IKZF3: variants seen among roughly 807,000 people sequenced by gnomAD.
IKZF3 encodes zinc finger protein Aiolos.
A neutral mutation model predicts 49.0 loss-of-function variants in IKZF3; 10 were observed. The ratio of observed to expected loss-of-function variants is 0.20; its 90% confidence interval spans 0.13 to 0.35. The LOEUF (loss-of-function observed/expected upper bound fraction) is 0.35. IKZF3 is among the 10% of genes least tolerant of loss of function. The probability of loss-of-function intolerance (pLI) is 1.00; values close to 1 mark genes in which losing one functional copy is unlikely to be tolerated. For missense variants in IKZF3, 498 were observed against 664.8 expected, an observed-to-expected ratio of 0.75 and a Z score of 2.76; for synonymous variants, 209 against 228.2, an observed-to-expected ratio of 0.92 and a Z score of 0.76.
chr17:39,777,235 T>G (rs999202340), intron 7 of IKZF3, among the ~76,000 whole-genome samples: 4 of 152,242 alleles, frequency 2.6e-5, no homozygotes, highest in Non-Finnish European at 5.9e-5. Flanking sequence ...TATGGCAATA[T>G]GTTTTAGAGC....
chr17:39,834,919 G>A, intron 1 of IKZF3: 1 of 350,110 alleles, frequency 2.9e-6, no homozygotes, highest in Non-Finnish European at 5.5e-6. Flanking sequence ...AGGCTCTGGA[G>A]AAGCCATGGG....
At chr17:39,786,366 T>C (rs2060874981) in intron 6 of IKZF3, among the ~76,000 whole-genome samples, 2 of 152,198 alleles carry the variant, frequency 1.3e-5, no homozygotes, top group Non-Finnish European at 2.9e-5. Flanking sequence ...TCTTTCATTC[T>C]AGCTTTAAAT....
rs570331058 is a variant in IKZF3, at chr17:39,794,020, T to G, written c.164-1087A>C. The stretch of plus-strand genomic sequence containing the variant: ...AAATGCTTACTTTTTCAACCATTGG[T>G]CCTTAGAAATCAAAAGTTGTACCTC... On this transcript the variant is annotated intron_variant, in intron 3 of 7. Transcript: ENST00000346872. 6.6e-5 allele frequency among the ~76,000 whole-genome samples: 10 copies of G among 152,320 alleles called. No homozygotes were observed. In the South Asian group the frequency reaches 2.1e-3, roughly 32 times the overall value.
intron 3 of IKZF3, among the ~76,000 whole-genome samples, chr17:39,825,742 T>C (rs1455486375): frequency 6.6e-6 from 1 of 152,208 alleles, no homozygotes; most frequent in Non-Finnish European, 1.5e-5. Flanking sequence ...ATTGCTCTTA[T>C]GATTGAAGGA....
chr17:39,797,525 C>T (rs953414198), intron 3 of IKZF3, among the ~76,000 whole-genome samples: 5 of 151,452 alleles, frequency 3.3e-5, no homozygotes, highest in Admixed American at 1.3e-4. Context: ...CAGGTCCAAG[C>T]GATTCTCCTG....
At chr17:39,807,546 T>A (rs975015011) in intron 3 of IKZF3, among the ~76,000 whole-genome samples, 3 of 120,594 alleles carry the variant, frequency 2.5e-5, no homozygotes, top group South Asian at 2.9e-4. Context: ...CTATTTAAAT[T>A]TTTTTTTTTT....
At chr17:39,813,668 G>T (rs1033193701) in intron 3 of IKZF3, among the ~76,000 whole-genome samples, 1 of 151,864 alleles carries the variant, frequency 6.6e-6, no homozygotes, top group African/African-American at 2.4e-5. Context: ...GAGATGTCTT[G>T]GTTTTATCAT....
intron 6 of IKZF3, among the ~76,000 whole-genome samples, chr17:39,779,653 G>T (rs9903192): frequency 0.94 from 130,289 of 138,310 alleles, 61,135 homozygotes; most frequent in East Asian, 1. Context: ...TTTGTTTTTT[G>T]TTTTTTTTTT....
chr17:39,832,054 T>C (rs1412794475), intron 2 of IKZF3, 44 bp downstream of exon 2: 1 of 1,420,284 alleles, frequency 7.0e-7, no homozygotes, highest in East Asian at 2.3e-5. Flanking sequence ...TTGGTATTTT[T>C]TTTAGTAAAG....
At chr17:39,857,807 G>C (rs1432629355) in intron 1 of IKZF3, among the ~76,000 whole-genome samples, 1 of 151,982 alleles carries the variant, frequency 6.6e-6, no homozygotes, top group African/African-American at 2.4e-5. Context: ...GGACTGGGTT[G>C]GGTACTAGTT....
At chr17:39,850,876 TA>T (rs922375903) in intron 1 of IKZF3, among the ~76,000 whole-genome samples, 1 of 134,430 alleles carries the variant, frequency 7.4e-6, no homozygotes, top group Non-Finnish European at 1.5e-5. Flanking sequence ...TATATACATA[TA>T]TAATATACTC....
In IKZF3 at chr17:39,782,030, T is replaced by C. The variant is rs139167270; in HGVS notation, c.710-4263A>G. On this transcript the variant is annotated intron_variant, in intron 6 of 7. Transcript: ENST00000346872. The stretch of plus-strand genomic sequence containing the variant: ...CACACCCTCTTTCTGGGTCATTCAC[T>C]CAAAATATTAACTACAAGAGCTCCA... Among the ~76,000 whole-genome samples the C allele has an allele frequency of 3.7e-4, 56 of 152,288 alleles. No individual in the cohort carries two copies. In the East Asian group the frequency reaches 0.01, roughly 28 times the overall value.
At chr17:39,768,718 T>G (rs2060359649) in intron 7 of IKZF3, among the ~76,000 whole-genome samples, 1 of 152,190 alleles carries the variant, frequency 6.6e-6, no homozygotes, top group African/African-American at 2.4e-5. Context: ...AATGCTTGGG[T>G]TTTTTTCCTC....
intron 3 of IKZF3, among the ~76,000 whole-genome samples, chr17:39,805,365 A>G (rs956867807): frequency 6.6e-6 from 1 of 152,236 alleles, no homozygotes; most frequent in Non-Finnish European, 1.5e-5. Context: ...CCGAAGACAG[A>G]GGGAAAAAAT....
intron 6 of IKZF3, among the ~76,000 whole-genome samples, chr17:39,787,363 C>G (rs1045502543): frequency 5.9e-5 from 9 of 152,232 alleles, no homozygotes; most frequent in Non-Finnish European, 1.5e-5. Flanking sequence ...TAATTCAAAT[C>G]ACTGAATAAA....
At chr17:39,800,862 T>C (rs531442293) in intron 3 of IKZF3, among the ~76,000 whole-genome samples, 1 of 152,282 alleles carries the variant, frequency 6.6e-6, no homozygotes, top group South Asian at 2.1e-4. Flanking sequence ...TCAGGGGCAA[T>C]AGCAGTCTCA....
chr17:39,850,549 C>A (rs2062798897), intron 1 of IKZF3, among the ~76,000 whole-genome samples: 1 of 123,520 alleles, frequency 8.1e-6, no homozygotes, highest in African/African-American at 3.0e-5. Flanking sequence ...CATATTATAG[C>A]ATATTATACA....
chr17:39,771,936 C>CA (rs1209267954), intron 7 of IKZF3, among the ~76,000 whole-genome samples: 3 of 149,976 alleles, frequency 2.0e-5, no homozygotes, highest in Admixed American at 1.3e-4. Context: ...TTTTCAGAGA[C>CA]AGAGTTTCAC....
At chr17:39,823,109 G>C (rs1221675379) in intron 3 of IKZF3, among the ~76,000 whole-genome samples, 1 of 152,192 alleles carries the variant, frequency 6.6e-6, no homozygotes, top group African/African-American at 2.4e-5. Context: ...ATGTGGGAAA[G>C]CTTGGAACTT....
Sources: allele counts gnomAD v4.1 joint callset (sites outside exome capture counted in the v4.1 genomes callset), GRCh38; gene constraint gnomAD v4.1.1; transcripts MANE v1.5; gene names NCBI Gene and HGNC (gene_info 2026-07-23, HGNC 2026-07-21).